Variants in ZNF765 observed in about 807,000 individuals in gnomAD.
ZNF765 encodes the protein zinc finger protein 765.
In ZNF765, 37 loss-of-function variants were observed where a neutral mutation model predicts 44.7. The ratio of observed to expected loss-of-function variants is 0.83; its 90% CI spans 0.64 to 1.09. ZNF765 has a LOEUF of 1.09. Ranked by LOEUF, ZNF765 falls within the 50% of genes least tolerant of loss-of-function variation. The pLI, the probability that ZNF765 is intolerant of heterozygous loss-of-function variation, is 0.00. For missense variants in ZNF765, 594 were observed against 626.1 expected, an observed-to-expected ratio of 0.95 and a Z score of 0.55; for synonymous variants, 201 against 213.7, an observed-to-expected ratio of 0.94 and a Z score of 0.52.
chr19:53,409,658 C>T lies in ZNF765; in HGVS notation c.*531C>T, dbSNP rs573276850. 5.7e-6 allele frequency: 7 copies of T among 1,231,166 alleles called. No homozygotes were observed. The allele number at this position is 1,231,166 out of a possible 1,614,324, so 76.3% of individuals were successfully genotyped here. A position where few individuals can be genotyped will look rare whatever the true frequency, so the allele number is the denominator to read the frequency against. ...GCAAGACCTTTAGTCAGAACTCATACCTTACACGCCATCGTAGACTTCATA... is the reference window on the plus strand; with the variant it reads ...GCAAGACCTTTAGTCAGAACTCATATCTTACACGCCATCGTAGACTTCATA... On this transcript the variant is annotated 3_prime_UTR_variant, in exon 4 of 4. Coordinates refer to ENST00000396408, the MANE Select transcript of ZNF765 (RefSeq NM_001040185.3).
intron 3 of ZNF765, among the ~76,000 whole-genome samples, chr19:53,405,169 T>C: frequency 6.6e-6 from 1 of 152,102 alleles, no homozygotes; most frequent in East Asian, 1.9e-4. Context: ...CTGGCCAACA[T>C]GTTGAAACCC....
At chr19:53,417,022 T>C (rs1165908693) in intron 3 of ZNF765, among the ~76,000 whole-genome samples, 1 of 152,138 alleles carries the variant, frequency 6.6e-6, no homozygotes, top group African/African-American at 2.4e-5. Context: ...TTCACCATGT[T>C]GGCCAGGCCG....
Position 53,408,257 on chromosome 19 carries a change from G to A in ZNF765, c.702G>A (p.Gln234=), listed in dbSNP as rs8182488. Residue 234 remains glutamine (Q), a synonymous_variant, in exon 4 of 4, where the codon CAG becomes CAA. Coordinates refer to ENST00000396408, the MANE Select transcript of ZNF765 (RefSeq NM_001040185.3). ...GTAGCTCACTCTTAAGGAAACATCAGTTAATCCATTTAGGAGAGAAACAAT... is the reference window on the plus strand; with the variant it reads ...GTAGCTCACTCTTAAGGAAACATCAATTAATCCATTTAGGAGAGAAACAAT... ...YNCSSLLRKH[Q]LIHLGEKQYK... is the part of the protein sequence containing the mutation. 523,322 of 1,614,056 alleles carry A rather than the reference G, an allele frequency of 0.32. 89,951 individuals are homozygous for A. The highest frequency in any genetic ancestry group is 0.41 in the Admixed American group (24,543 of 60,014).
At chr19:53,412,612 A>G (rs1051067725), downstream of ZNF765, among the ~76,000 whole-genome samples, 2 of 152,202 alleles carry the variant, frequency 1.3e-5, no homozygotes, top group African/African-American at 4.8e-5. Flanking sequence ...AGTAAAATAA[A>G]TTCTGCTAAA....
At chr19:53,416,002 T>G (rs2085872722), downstream of ZNF765, among the ~76,000 whole-genome samples, 1 of 152,106 alleles carries the variant, frequency 6.6e-6, no homozygotes. Context: ...TCAACCAGGC[T>G]GCAGTGCAGT....
At chr19:53,406,315 C>T (rs1050938682) in intron 3 of ZNF765, among the ~76,000 whole-genome samples, 1 of 151,916 alleles carries the variant, frequency 6.6e-6, no homozygotes, top group South Asian at 2.1e-4. Flanking sequence ...AGACCTGAGC[C>T]ACCGTGTCCA....
Position 53,409,170 on chromosome 19 carries a change from C to G in ZNF765, c.*43C>G, listed in dbSNP as rs748491842. Reference sequence around the variant, plus strand: ...TCAATCAGGAGTTAACCCTTACATGCCATCGTAGGCTTCATAGTGGAGAGA... The same window carrying G: ...TCAATCAGGAGTTAACCCTTACATGGCATCGTAGGCTTCATAGTGGAGAGA... On this transcript the variant is annotated 3_prime_UTR_variant, in exon 4 of 4. Transcript: ENST00000396408. The G allele has an allele frequency of 8.9e-5, 134 of 1,501,258 alleles. No homozygotes were observed. Among genetic ancestry groups the G allele is most frequent in the Non-Finnish European group, 1.2e-4 (132 of 1,079,120 alleles). The allele number at this position is 1,501,258 out of a possible 1,614,324, so 93.0% of individuals were successfully genotyped here.
At position 53,410,936 on chromosome 19, in the gene ZNF765, G is replaced by A; in HGVS notation, c.*1809G>A. 2.4e-6 allele frequency: 1 copy of A among 418,566 alleles called. No homozygotes were observed. The highest frequency in any genetic ancestry group is 4.8e-6 in the Non-Finnish European group (1 of 206,754). The allele number at this position is 418,566 out of a possible 1,614,324, so 25.9% of individuals were successfully genotyped here. Reference sequence around the variant, plus strand: ...GACAGAAATCTTATAAATGTCATCAGTGTGCCAAAGTCTTCAGTCTGAGCT... The same window carrying A: ...GACAGAAATCTTATAAATGTCATCAATGTGCCAAAGTCTTCAGTCTGAGCT... On this transcript the variant is annotated 3_prime_UTR_variant, in exon 4 of 4. Coordinates refer to ENST00000396408, the MANE Select transcript of ZNF765 (RefSeq NM_001040185.3).
Position 53,409,043 on chromosome 19 carries a change from T to G in ZNF765, c.1488T>G (p.Cys496Trp), listed in dbSNP as rs201634853. ...RLHTGQKPYK[C>W]EDCDEAFSFK... ...ATACTGGACAGAAACCTTACAAATG[T>G]GAAGATTGTGATGAAGCTTTCAGTT... is the stretch of plus-strand genomic sequence containing the variant. Residue 496 changes from cysteine (C) to tryptophan (W), a missense_variant, in exon 4 of 4, where the codon TGT (cysteine) becomes TGG (tryptophan). Physicochemically the swap from Cys to Trp is radical, Grantham distance 215. This residue lies in a region of ZNF765 where 567 missense variants were observed against 572.6 expected (regional missense o/e 0.99). Transcript: ENST00000396408. 1.2e-5 allele frequency: 20 copies of G among 1,613,984 alleles called. No individual in the cohort carries two copies. Among genetic ancestry groups the G allele is most frequent in the Non-Finnish European group, 9.3e-6 (11 of 1,179,992 alleles).
At chr19:53,396,701 G>A (rs2147085114) in intron 1 of ZNF765, among the ~76,000 whole-genome samples, 1 of 152,298 alleles carries the variant, frequency 6.6e-6, no homozygotes, top group African/African-American at 2.4e-5. Context: ...GCTAGGCAGA[G>A]GAAAACTTGT....
rs761700653 is a variant in ZNF765, at chr19:53,402,220, G to T, written c.142+29G>T. On this transcript the variant is annotated intron_variant, in intron 3 of 3. Coordinates refer to ENST00000396408, the MANE Select transcript of ZNF765 (RefSeq NM_001040185.3). Reference sequence around the variant, plus strand: ...AGGATGACTTCCCTCCTGGGGATGTGCCCTTGCGTATCTTTGTATTTTCTC... The same window carrying T: ...AGGATGACTTCCCTCCTGGGGATGTTCCCTTGCGTATCTTTGTATTTTCTC... 15 of 1,587,102 alleles carry T rather than the reference G, an allele frequency of 9.5e-6. No homozygotes were observed. The South Asian group carries it at 1.5e-4, about 16-fold the overall frequency.
chr19:53,395,998 GA>G (rs55835959), intron 1 of ZNF765, among the ~76,000 whole-genome samples: 2,970 of 144,118 alleles, frequency 0.021, 73 homozygotes, highest in African/African-American at 0.065. Flanking sequence ...AAATGTGGGG[GA>G]AAAAAAAAAA....
intron 3 of ZNF765, among the ~76,000 whole-genome samples, chr19:53,405,933 A>ATATATG (rs2085770223): frequency 1.1e-5 from 1 of 89,418 alleles, no homozygotes; most frequent in Admixed American, 1.1e-4. Context: ...ATATATATAT[A>ATATATG]TATATATATA....
intron 1 of ZNF765, among the ~76,000 whole-genome samples, chr19:53,396,888 A>G (rs1227958247): frequency 1.3e-5 from 2 of 152,248 alleles, no homozygotes. Flanking sequence ...TTTCTTCTTT[A>G]GGCACAGGCT....
At chr19:53,395,565 C>T (rs536414090) in intron 1 of ZNF765, among the ~76,000 whole-genome samples, 101 of 152,386 alleles carry the variant, frequency 6.6e-4, no homozygotes, top group African/African-American at 2.4e-3. Flanking sequence ...AGCGCGGCGG[C>T]CCCAGCCCCA....
chr19:53,400,783 T>TATATACAC lies in ZNF765; in HGVS notation c.16-1281_16-1280insTATACACA, dbSNP rs10664389. Among the ~76,000 whole-genome samples, 1,146 of 126,636 alleles carry TATATACAC rather than the reference T, an allele frequency of 9.0e-3. 18 individuals are homozygous for TATATACAC. Among genetic ancestry groups the TATATACAC allele is most frequent in the African/African-American group, 0.025 (846 of 33,864 alleles). The allele number at this position is 126,636 out of a possible 152,430, so 83.1% of individuals were successfully genotyped here. The stretch of plus-strand genomic sequence containing the variant: ...GTTGACATATATATATATATATATA[T>TATATACAC]ACACACATACATAAAATGGATTTTC... On this transcript the variant is annotated intron_variant, in intron 2 of 3. Transcript: ENST00000396408.
chr19:53,409,883 A>T lies in ZNF765; in HGVS notation c.*756A>T. 1.5e-6 allele frequency: 1 copy of T among 651,140 alleles called. No homozygotes were observed. Among genetic ancestry groups the T allele is most frequent in the Non-Finnish European group, 3.0e-6 (1 of 337,642 alleles). 40.3% of individuals were successfully genotyped at this position (651,140 alleles called of 1,614,324 possible). A position where few individuals can be genotyped will look rare whatever the true frequency, so the allele number is the denominator to read the frequency against. On this transcript the variant is annotated 3_prime_UTR_variant, in exon 4 of 4. Coordinates refer to ENST00000396408, the MANE Select transcript of ZNF765 (RefSeq NM_001040185.3). ...GGTACCTTACAAGGATAATGAGTGT[A>T]GAAAAACCTTTCATGGGCAGTCAGC... is the stretch of plus-strand genomic sequence containing the variant.
chr19:53,399,072 A>ATATTTTTCT (rs2147087656), intron 2 of ZNF765, among the ~76,000 whole-genome samples: 1 of 151,846 alleles, frequency 6.6e-6, no homozygotes, highest in African/African-American at 2.4e-5. Context: ...TATTAAATAT[A>ATATTTTTCT]TATTTTTCTT....
At chr19:53,398,135 T>G (rs1412916012) in intron 2 of ZNF765, 105 bp downstream of exon 2, 8 of 1,588,328 alleles carry the variant, frequency 5.0e-6, no homozygotes, top group Non-Finnish European at 6.9e-6. Context: ...CCTGACAGGT[T>G]TGCTCGCACT....
Sources: allele counts gnomAD v4.1 joint callset (sites outside exome capture counted in the v4.1 genomes callset), GRCh38; gene constraint gnomAD v4.1.1; regional missense constraint gnomAD v4.1.1; transcripts MANE v1.5; gene names NCBI Gene and HGNC (gene_info 2026-07-23, HGNC 2026-07-21).